Variants in KCNC4 observed in about 807,000 individuals in gnomAD.
The protein encoded by KCNC4 is potassium voltage-gated channel subfamily C member 4.
A neutral mutation model predicts 42.8 loss-of-function variants in KCNC4; 23 were observed. That is an observed-to-expected ratio of 0.54 (90% CI 0.39 to 0.76). KCNC4 has a LOEUF of 0.76. Ranked by LOEUF, KCNC4 falls within the 30% of genes least tolerant of loss-of-function variation. The pLI is 0.00. For missense variants in KCNC4, 751 were observed against 898.2 expected (o/e 0.84, Z 2.10); for synonymous variants, 422 against 393.5 (o/e 1.07, Z -0.86).
downstream of KCNC4, among the ~76,000 whole-genome samples, chr1:110,250,580 T>G (rs1251597755): frequency 2.6e-5 from 4 of 152,208 alleles, no homozygotes; most frequent in African/African-American, 9.6e-5. Flanking sequence ...AGGGGCACTG[T>G]CAGTGTGGAT....
chr1:110,276,908 G>C (rs1557876677), intron 1 of KCNC4, among the ~76,000 whole-genome samples: 1 of 152,146 alleles, frequency 6.6e-6, no homozygotes, highest in East Asian at 1.9e-4. Flanking sequence ...ACAGACAGTT[G>C]CCCCCAGAAG....
chr1:110,215,331 G>C (rs1657729927), intron 1 of KCNC4, among the ~76,000 whole-genome samples: 1 of 152,164 alleles, frequency 6.6e-6, no homozygotes, highest in African/African-American at 2.4e-5. Flanking sequence ...CTGGGAACAG[G>C]TACGAGGGGC....
At chr1:110,271,386 G>A (rs1659632301) in intron 1 of KCNC4, among the ~76,000 whole-genome samples, 1 of 152,184 alleles carries the variant, frequency 6.6e-6, no homozygotes, top group Admixed American at 6.5e-5. Context: ...TACATTGCTA[G>A]TTAGTAGTAG....
chr1:110,281,367 G>C (rs1397772339), intron 1 of KCNC4, among the ~76,000 whole-genome samples: 1 of 152,038 alleles, frequency 6.6e-6, no homozygotes, highest in Non-Finnish European at 1.5e-5. Flanking sequence ...TCCAGGCTTG[G>C]AATGAGTGAA....
intron 3 of KCNC4, 122 bp downstream of exon 3, chr1:110,226,300 G>A: frequency 1.3e-6 from 1 of 757,546 alleles, no homozygotes; most frequent in Non-Finnish European, 2.3e-6. Context: ...CTCTGCCTTG[G>A]ATGCACCCCC....
chr1:110,230,054 T>C (rs1023020377), intron 3 of KCNC4, among the ~76,000 whole-genome samples: 3 of 152,128 alleles, frequency 2.0e-5, no homozygotes, highest in Non-Finnish European at 4.4e-5. Context: ...GAGCAAATTA[T>C]TGCATGGGGT....
chr1:110,234,055 C>T (rs1658840651), downstream of KCNC4: 1 of 152,488 alleles, frequency 6.6e-6, no homozygotes, highest in Non-Finnish European at 1.5e-5. Flanking sequence ...GCACCTGCCT[C>T]TGCCTCTCCT....
downstream of KCNC4, chr1:110,235,160 A>G (rs1171355561): frequency 6.6e-6 from 1 of 152,260 alleles, no homozygotes; most frequent in Non-Finnish European, 1.5e-5. Flanking sequence ...CAGCAGGGTG[A>G]GGACGGAATG....
At chr1:110,251,805 A>C (rs1323179424), downstream of KCNC4, among the ~76,000 whole-genome samples, 1 of 152,256 alleles carries the variant, frequency 6.6e-6, no homozygotes, top group Non-Finnish European at 1.5e-5. Context: ...AGGCAAAGAC[A>C]ACAAGGCACA....
chr1:110,257,274 T>C lies in KCNC4; in HGVS notation n.31-25260T>C, dbSNP rs565143412. The stretch of plus-strand genomic sequence containing the variant: ...GAATTACACAATTTGTACAGGCCAC[T>C]GATGTGACTGACACAGTTGATAACA... On this transcript the variant is annotated intron_variant and non_coding_transcript_variant, in intron 1 of 2. Transcript: ENST00000412512. Among the ~76,000 whole-genome samples, 7 of 152,320 alleles carry C rather than the reference T, an allele frequency of 4.6e-5. No homozygotes were observed. In the East Asian group the frequency reaches 9.6e-4, roughly 21 times the overall value.
intron 1 of KCNC4, chr1:110,222,506 T>C (rs556165310): frequency 6.0e-6 from 1 of 165,734 alleles, no homozygotes; most frequent in South Asian, 1.7e-4. Context: ...GACCATTGCC[T>C]TAAAGCCCAG....
chr1:110,216,704 C>T (rs1657812838), intron 1 of KCNC4, among the ~76,000 whole-genome samples: 1 of 152,182 alleles, frequency 6.6e-6, no homozygotes, highest in Non-Finnish European at 1.5e-5. Flanking sequence ...CAGTGTCAGC[C>T]TGGGATGCTG....
chr1:110,278,778 C>G (rs3820661), intron 1 of KCNC4, among the ~76,000 whole-genome samples: 1 of 151,958 alleles, frequency 6.6e-6, no homozygotes, highest in Admixed American at 6.6e-5. Flanking sequence ...GCAGAACACC[C>G]ATCATCATGG....
intron 1 of KCNC4, among the ~76,000 whole-genome samples, chr1:110,259,078 C>T (rs1325453934): frequency 3.3e-5 from 5 of 152,310 alleles, no homozygotes; most frequent in Non-Finnish European, 5.9e-5. Context: ...ATTTGTGAAT[C>T]GGAGGTATCC....
intron 1 of KCNC4, among the ~76,000 whole-genome samples, chr1:110,255,549 T>C (rs1659315304): frequency 6.6e-6 from 1 of 152,222 alleles, no homozygotes; most frequent in South Asian, 2.1e-4. Flanking sequence ...GGTATTGAGA[T>C]GCAGTCATTG....
At chr1:110,224,469 A>G (rs938742983) in intron 2 of KCNC4, 1 of 154,100 alleles carries the variant, frequency 6.5e-6, no homozygotes, top group African/African-American at 2.4e-5. Context: ...GTGATAACGT[A>G]ATAGCAGTGG....
At chr1:110,240,452 A>C (rs1168996802) in exon 4 of KCNC4, 5 of 152,372 alleles carry the variant, frequency 3.3e-5, no homozygotes, top group Non-Finnish European at 5.9e-5. Flanking sequence ...CCCCTGATCC[A>C]AGGACGATTA....
Position 110,254,443 on chromosome 1 carries a change from A to G in KCNC4, n.31-28091A>G, listed in dbSNP as rs138625772. 2.0e-3 allele frequency among the ~76,000 whole-genome samples: 299 copies of G among 152,300 alleles called. 1 individual carries two copies. The highest frequency in any genetic ancestry group is 6.7e-3 in the African/African-American group (280 of 41,560). On this transcript the variant is annotated intron_variant and non_coding_transcript_variant, in intron 1 of 2. Coordinates refer to the KCNC4 transcript ENST00000412512. ...CCACTGCATATCCAAGAACATCCCC[A>G]GAGAGTCATGGTCATTTTCCATTTC... is the stretch of plus-strand genomic sequence containing the variant.
At chr1:110,229,769 C>T (rs1409057952) in intron 3 of KCNC4, among the ~76,000 whole-genome samples, 5 of 152,150 alleles carry the variant, frequency 3.3e-5, no homozygotes, top group Non-Finnish European at 7.3e-5. Context: ...CCCCCACCTG[C>T]TCCTGCCGCT....
Sources: gnomAD v4.1 joint callset for allele counts (sites outside exome capture counted in the v4.1 genomes callset) on GRCh38, gnomAD v4.1.1 for gene constraint, MANE v1.5 for transcripts, NCBI Gene and HGNC (gene_info 2026-07-23, HGNC 2026-07-21) for gene names.